Variants in RSU1 observed in about 807,000 individuals in gnomAD.
The protein encoded by RSU1 is rsu-1.
Under a neutral mutation model 31.1 loss-of-function variants are expected in RSU1, and 26 were observed. That is an observed-to-expected ratio of 0.84 (90% CI 0.61 to 1.16). The LOEUF is 1.16. RSU1 is among the 50% of genes most tolerant of loss of function. The probability of loss-of-function intolerance (pLI) is 0.00; values close to 1 mark genes in which losing one functional copy is unlikely to be tolerated. For missense variants in RSU1, 320 were observed against 339.1 expected (o/e 0.94, Z 0.44); for synonymous variants, 164 against 136.3 (o/e 1.20, Z -1.41).
At chr10:16,703,352 G>A (rs1024457923) in intron 7 of RSU1, among the ~76,000 whole-genome samples, 3 of 152,184 alleles carry the variant, frequency 2.0e-5, no homozygotes, top group Non-Finnish European at 4.4e-5. Context: ...ATCCAAACTG[G>A]CACCTCTTCT....
chr10:16,815,480 C>T (rs1564367877), intron 2 of RSU1, among the ~76,000 whole-genome samples: 1 of 152,168 alleles, frequency 6.6e-6, no homozygotes. Flanking sequence ...GAACATCTCC[C>T]TTCTTCTCTC....
At chr10:16,762,139 C>T (rs1301246724) in intron 4 of RSU1, among the ~76,000 whole-genome samples, 3 of 152,058 alleles carry the variant, frequency 2.0e-5, no homozygotes, top group Non-Finnish European at 4.4e-5. Flanking sequence ...CACCTTGGCT[C>T]CCCGGTACTA....
At chr10:16,593,716 C>G in intron 8 of RSU1, among the ~76,000 whole-genome samples, 1 of 152,340 alleles carries the variant, frequency 6.6e-6, no homozygotes, top group Non-Finnish European at 1.5e-5. Context: ...GGACCAGTCT[C>G]TTGGGATTTC....
chr10:16,590,791 C>T lies in RSU1; in HGVS notation c.*2603G>A, dbSNP rs899747139. ...CACCTCTATTTAATTTTTATGCACACGTATTACAAACAAGCTTCCTTTTGA... is the reference window on the plus strand; with the variant it reads ...CACCTCTATTTAATTTTTATGCACATGTATTACAAACAAGCTTCCTTTTGA... On this transcript the variant is annotated 3_prime_UTR_variant, in exon 9 of 9. Transcript: ENST00000345264. The T allele has an allele frequency of 4.6e-5, 7 of 152,310 alleles. No individual in the cohort carries two copies. The highest frequency in any genetic ancestry group is 1.7e-4 in the African/African-American group (7 of 41,580). The allele number at this position is 152,310 out of a possible 1,614,324, so 9.4% of individuals were successfully genotyped here. A position where few individuals can be genotyped will look rare whatever the true frequency, so the allele number is the denominator to read the frequency against.
At chr10:16,673,987 G>A (rs1835171923) in intron 8 of RSU1, among the ~76,000 whole-genome samples, 1 of 152,094 alleles carries the variant, frequency 6.6e-6, no homozygotes, top group Non-Finnish European at 1.5e-5. Context: ...CATCGTGATG[G>A]AACACAAAAG....
chr10:16,672,253 T>C (rs2131539561), intron 8 of RSU1, among the ~76,000 whole-genome samples: 1 of 151,738 alleles, frequency 6.6e-6, no homozygotes, highest in South Asian at 2.1e-4. Context: ...GAGCTTGCAG[T>C]GAGCTGAGAT....
chr10:16,624,079 T>C (rs921115592), intron 8 of RSU1, among the ~76,000 whole-genome samples: 1 of 152,116 alleles, frequency 6.6e-6, no homozygotes, highest in Non-Finnish European at 1.5e-5. Context: ...GGTATTGTTC[T>C]AGGTACAATT....
chr10:16,617,298 AAGG>A (rs1458971949), intron 8 of RSU1, among the ~76,000 whole-genome samples: 1 of 152,208 alleles, frequency 6.6e-6, no homozygotes, highest in Non-Finnish European at 1.5e-5. Context: ...GGAACTCTTC[AAGG>A]AGAACTACAA....
At chr10:16,800,962 CA>C (rs772645083) in intron 2 of RSU1, among the ~76,000 whole-genome samples, 7,725 of 140,696 alleles carry the variant, frequency 0.055, 239 homozygotes, top group African/African-American at 0.093. Flanking sequence ...GAGCAGAAGA[CA>C]AAAAAAAAAA....
intron 7 of RSU1, 146 bp from the exon 8 acceptor site, chr10:16,695,301 C>T: frequency 1.4e-6 from 1 of 701,726 alleles, no homozygotes; most frequent in Non-Finnish European, 2.2e-6. Context: ...AATTTCTTAA[C>T]CCAAGTCATC....
intron 7 of RSU1, among the ~76,000 whole-genome samples, chr10:16,709,392 T>C (rs2131578931): frequency 6.6e-6 from 1 of 152,206 alleles, no homozygotes; most frequent in East Asian, 1.9e-4. Flanking sequence ...ATCCAGTCTA[T>C]CATTGTTGGA....
chr10:16,607,227 A>G (rs1833820347), intron 8 of RSU1, among the ~76,000 whole-genome samples: 1 of 152,076 alleles, frequency 6.6e-6, no homozygotes, highest in African/African-American at 2.4e-5. Context: ...GCCTTCCACC[A>G]TGATTCTAAG....
chr10:16,734,254 GA>G (rs1324677524), intron 7 of RSU1, among the ~76,000 whole-genome samples: 1 of 152,206 alleles, frequency 6.6e-6, no homozygotes, highest in Non-Finnish European at 1.5e-5. Flanking sequence ...CCTATGATCT[GA>G]AAGAGAGCAG....
At chr10:16,629,118 A>G (rs1834205987) in intron 8 of RSU1, among the ~76,000 whole-genome samples, 2 of 152,162 alleles carry the variant, frequency 1.3e-5, no homozygotes, top group South Asian at 4.1e-4. Context: ...AGCCTGCTAG[A>G]CCTGCAGAGC....
intron 7 of RSU1, among the ~76,000 whole-genome samples, chr10:16,697,870 C>A (rs74890719): frequency 0.015 from 2,268 of 151,536 alleles, 23 homozygotes; most frequent in East Asian, 0.065. Context: ...GAAATATAGT[C>A]GGAACTTCTA....
At chr10:16,633,481 GT>G (rs1834288915) in intron 8 of RSU1, among the ~76,000 whole-genome samples, 1 of 152,064 alleles carries the variant, frequency 6.6e-6, no homozygotes, top group Non-Finnish European at 1.5e-5. Flanking sequence ...ATCCAGAGCT[GT>G]TACCCCAAGC....
intron 2 of RSU1, among the ~76,000 whole-genome samples, chr10:16,783,540 C>T (rs1020022310): frequency 6.6e-6 from 1 of 151,800 alleles, no homozygotes; most frequent in African/African-American, 2.4e-5. Flanking sequence ...ATTTTTAGTA[C>T]AGATGGGGTT....
intron 7 of RSU1, among the ~76,000 whole-genome samples, chr10:16,740,160 G>A (rs1369893585): frequency 6.6e-6 from 1 of 151,858 alleles, no homozygotes; most frequent in Non-Finnish European, 1.5e-5. Flanking sequence ...AATACCAGAA[G>A]AAAACTACAA....
At chr10:16,635,352 C>T (rs565713086) in intron 8 of RSU1, among the ~76,000 whole-genome samples, 1 of 152,210 alleles carries the variant, frequency 6.6e-6, no homozygotes, top group African/African-American at 2.4e-5. Flanking sequence ...CCTCTCTCTG[C>T]AAAACTCTAA....
Sources: allele counts gnomAD v4.1 joint callset (sites outside exome capture counted in the v4.1 genomes callset), GRCh38; gene constraint gnomAD v4.1.1; transcripts MANE v1.5; gene names NCBI Gene and HGNC (gene_info 2026-07-23, HGNC 2026-07-21).